Variants in PPHLN1 observed in about 807,000 individuals in gnomAD.
PPHLN1 encodes the protein periphilin 1, also known as periphilin-1.
A neutral mutation model predicts 51.3 loss-of-function variants in PPHLN1; 29 were observed. That is an observed-to-expected ratio of 0.57 (90% confidence interval 0.42 to 0.77). The LOEUF (loss-of-function observed/expected upper bound fraction) is 0.77. PPHLN1 is among the 30% of genes least tolerant of loss of function. PPHLN1 has a pLI of 0.00. For synonymous variants in PPHLN1, 147 were observed against 147.8 expected, an observed-to-expected ratio of 0.99 and a Z score of 0.04; for missense variants, 436 against 438.4, an observed-to-expected ratio of 0.99 and a Z score of 0.05.
At chr12:42,363,433 TTATACTC>T (rs2074933504) in intron 4 of PPHLN1, among the ~76,000 whole-genome samples, 3 of 148,890 alleles carry the variant, frequency 2.0e-5, no homozygotes, top group South Asian at 2.1e-4. Flanking sequence ...CAGTGGAACT[TTATACTC>T]TAGCTATTTT....
intron 9 of PPHLN1, among the ~76,000 whole-genome samples, chr12:42,430,478 T>C (rs919600199): frequency 6.6e-5 from 10 of 152,142 alleles, no homozygotes; most frequent in South Asian, 2.1e-4. Flanking sequence ...ATATTACATA[T>C]ACTATATTCT....
chr12:42,331,929 T>C (rs2137697110), intron 1 of PPHLN1: 1 of 152,364 alleles, frequency 6.6e-6, no homozygotes, highest in East Asian at 1.9e-4. Context: ...CTGGATAATA[T>C]CATAAACAAC....
chr12:42,432,390 C>T (rs1648068935), intron 9 of PPHLN1: 3 of 752,996 alleles, frequency 4.0e-6, no homozygotes, highest in Non-Finnish European at 5.0e-6. Flanking sequence ...TCTAAAAGAA[C>T]TTGCACATTT....
chr12:42,327,220 A>G (rs1265981506), intron 1 of PPHLN1, among the ~76,000 whole-genome samples: 2 of 152,078 alleles, frequency 1.3e-5, no homozygotes, highest in African/African-American at 4.8e-5. Flanking sequence ...TTTCTTCCCC[A>G]TTTAACCCCT....
chr12:42,334,559 A>G (rs1007649225), intron 1 of PPHLN1, among the ~76,000 whole-genome samples: 3 of 152,202 alleles, frequency 2.0e-5, no homozygotes, highest in East Asian at 1.9e-4. Flanking sequence ...TGGAGTAGCT[A>G]TCTGTTTGCC....
chr12:42,445,562 T>C (rs545998113), downstream of PPHLN1: 26 of 193,976 alleles, frequency 1.3e-4, 1 homozygote, highest in South Asian at 2.8e-3. Flanking sequence ...TTTTAACTTT[T>C]ATGTTTATGG....
At chr12:42,428,961 AC>A (rs985647552) in intron 9 of PPHLN1, among the ~76,000 whole-genome samples, 1 of 151,462 alleles carries the variant, frequency 6.6e-6, no homozygotes, top group Non-Finnish European at 1.5e-5. Context: ...AATTAAGCCT[AC>A]TCCTCCTTGC....
chr12:42,401,441 G>A (rs1361774690), intron 9 of PPHLN1, among the ~76,000 whole-genome samples: 1 of 151,436 alleles, frequency 6.6e-6, no homozygotes, highest in African/African-American at 2.4e-5. Context: ...CAACCCCTGG[G>A]CTTGTGGACC....
chr12:42,364,107 C>G (rs1468674129), intron 4 of PPHLN1, among the ~76,000 whole-genome samples: 1 of 152,034 alleles, frequency 6.6e-6, no homozygotes, highest in East Asian at 1.9e-4. Flanking sequence ...GCCTGTAGTC[C>G]CAGCTACTCA....
At chr12:42,351,701 T>C (rs1399620787) in intron 2 of PPHLN1, among the ~76,000 whole-genome samples, 184 bp from the exon 3 acceptor site, 3 of 152,230 alleles carry the variant, frequency 2.0e-5, no homozygotes, top group Admixed American at 6.5e-5. Flanking sequence ...GTTGAACAAC[T>C]TGATTTCCTT....
intron 5 of PPHLN1, among the ~76,000 whole-genome samples, chr12:42,377,608 C>CAGGCAT (rs2076383112): frequency 1.3e-5 from 2 of 152,184 alleles, no homozygotes; most frequent in South Asian, 4.2e-4. Context: ...TCTGCCCTTA[C>CAGGCAT]GACCTGTTTT....
At chr12:42,416,552 C>T (rs117308364) in intron 9 of PPHLN1, among the ~76,000 whole-genome samples, 4,596 of 152,270 alleles carry the variant, frequency 0.03, 91 homozygotes, top group Non-Finnish European at 0.043. Context: ...TTCCATGACC[C>T]TGTAAGATTC....
At chr12:42,335,190 A>G (rs2070406808) in intron 1 of PPHLN1, among the ~76,000 whole-genome samples, 1 of 152,070 alleles carries the variant, frequency 6.6e-6, no homozygotes, top group Non-Finnish European at 1.5e-5. Flanking sequence ...AGTAGGAAGC[A>G]TTTATGAAAA....
At chr12:42,351,818 T>A (rs185382005) in intron 2 of PPHLN1, 67 bp from the exon 3 acceptor site, 3 of 1,393,762 alleles carry the variant, frequency 2.2e-6, no homozygotes, top group Non-Finnish European at 2.9e-6. Flanking sequence ...CTGTGCTTTT[T>A]AAAAACCTTT....
At chr12:42,388,637 T>G (rs1355595838) in intron 7 of PPHLN1, among the ~76,000 whole-genome samples, 1 of 152,202 alleles carries the variant, frequency 6.6e-6, no homozygotes, top group African/African-American at 2.4e-5. Context: ...TCTCTGTGTC[T>G]TATTTCTTTT....
At chr12:42,340,794 A>G (rs2071364467) in intron 2 of PPHLN1, among the ~76,000 whole-genome samples, 2 of 152,190 alleles carry the variant, frequency 1.3e-5, no homozygotes, top group African/African-American at 4.8e-5. Context: ...TATGTATGGC[A>G]TACCTCAAAA....
At chr12:42,353,046 G>A (rs559086363) in intron 3 of PPHLN1, among the ~76,000 whole-genome samples, 4 of 151,646 alleles carry the variant, frequency 2.6e-5, no homozygotes, top group East Asian at 3.9e-4. Flanking sequence ...CCGAGATCGC[G>A]CCACTGCACT....
intron 2 of PPHLN1, among the ~76,000 whole-genome samples, chr12:42,349,606 ACT>A (rs1682309121): frequency 6.6e-6 from 1 of 151,598 alleles, no homozygotes; most frequent in South Asian, 2.1e-4. Context: ...AGTGGTGATG[ACT>A]CTTAACGAGC....
intron 9 of PPHLN1, among the ~76,000 whole-genome samples, chr12:42,417,675 G>T (rs1465740307): frequency 3.3e-5 from 5 of 151,474 alleles, no homozygotes; most frequent in Non-Finnish European, 7.4e-5. Flanking sequence ...AATAAAAGTT[G>T]CCCCCTGATA....
Sources: allele counts gnomAD v4.1 joint callset (sites outside exome capture counted in the v4.1 genomes callset), GRCh38; gene constraint gnomAD v4.1.1; transcripts MANE v1.5; gene names NCBI Gene and HGNC (gene_info 2026-07-23, HGNC 2026-07-21).